NEXN: variants seen among roughly 807,000 people sequenced by gnomAD.
The protein encoded by NEXN is nexilin.
A neutral mutation model predicts 92.6 loss-of-function variants in NEXN; 65 were observed. The ratio of observed to expected loss-of-function variants is 0.70; its 90% CI spans 0.57 to 0.86. The LOEUF is 0.86. Ranked by LOEUF, NEXN falls within the 40% of genes least tolerant of loss-of-function variation. The pLI, the probability that NEXN is intolerant of heterozygous loss-of-function variation, is 0.00. For synonymous variants in NEXN, 254 were observed against 242.5 expected (o/e 1.05, Z -0.44); for missense variants, 778 against 771.1 (o/e 1.01, Z -0.11).
chr1:77,908,099 A>G (rs1229120242), intron 1 of NEXN, among the ~76,000 whole-genome samples: 2 of 151,950 alleles, frequency 1.3e-5, no homozygotes, highest in African/African-American at 2.4e-5. Context: ...TTTTTTAAAG[A>G]CAGTCTCATG....
chr1:77,900,413 T>C (rs187887186), intron 1 of NEXN, among the ~76,000 whole-genome samples: 1 of 152,296 alleles, frequency 6.6e-6, no homozygotes, highest in Admixed American at 6.5e-5. Context: ...CATATAATAA[T>C]TAGTACATCT....
chr1:77,942,279 G>A (rs1651409863), intron 12 of NEXN, 71 bp downstream of exon 12: 3 of 1,524,990 alleles, frequency 2.0e-6, no homozygotes, highest in East Asian at 2.3e-5. Flanking sequence ...AATTAGGTAG[G>A]TTAAAAAAAT....
chr1:77,922,023 C>T (rs1373306436), intron 5 of NEXN, among the ~76,000 whole-genome samples: 2 of 152,130 alleles, frequency 1.3e-5, no homozygotes, highest in Non-Finnish European at 2.9e-5. Flanking sequence ...CCACCTCGGC[C>T]TCCCAAAGTT....
At position 77,916,017 on chromosome 1, in the gene NEXN, T is replaced by A. The variant is rs144997319; in HGVS notation, c.-52-38T>A. 2.0e-4 allele frequency: 143 copies of A among 714,932 alleles called. No individual in the cohort carries two copies. In the African/African-American group the frequency reaches 2.5e-3, roughly 12 times the overall value. The allele number at this position is 714,932 out of a possible 1,614,324, so 44.3% of individuals were successfully genotyped here. ...ATAAAAATACATAATATATTACAAA[T>A]AAATTAAAATTTATTATACAATATA... is the stretch of plus-strand genomic sequence containing the variant. On this transcript the variant is annotated intron_variant, in intron 1 of 12. Coordinates refer to ENST00000334785, the MANE Select transcript of NEXN (RefSeq NM_144573.4).
rs1650718226 is a variant in NEXN at position 77,935,908 on chromosome 1, A to C, written c.1337A>C (p.Lys446Thr). 6.2e-7 allele frequency: 1 copy of C among 1,613,940 alleles called. No homozygotes were observed. The highest frequency in any genetic ancestry group is 1.7e-5 in the Admixed American group (1 of 60,002). The change falls in exon 11 of 13, where the codon AAA becomes ACA. Residue 446 changes from lysine to threonine, a missense_variant. Transcript: ENST00000334785. ...KLKRSGSIQAKNLKSKFEKIG... is the reference protein window; with the variant it reads ...KLKRSGSIQATNLKSKFEKIG... ...AAAAGGAGTGGCTCTATTCAAGCTA[A>C]AAACCTAAAAAGCAAGTTTGAAAAA...
chr1:77,893,261 T>TC (rs991683327), intron 1 of NEXN, among the ~76,000 whole-genome samples: 17 of 152,206 alleles, frequency 1.1e-4, no homozygotes, highest in African/African-American at 4.1e-4. Context: ...TTACTGTTTT[T>TC]CTTTTGCCTC....
intron 11 of NEXN, among the ~76,000 whole-genome samples, chr1:77,940,081 G>T (rs796115888): frequency 7.2e-5 from 11 of 152,216 alleles, no homozygotes; most frequent in African/African-American, 2.6e-4. Context: ...AATGTTCAAT[G>T]TGTCTTCAAA....
At chr1:77,904,451 A>G (rs533769259) in intron 1 of NEXN, among the ~76,000 whole-genome samples, 12 of 152,378 alleles carry the variant, frequency 7.9e-5, no homozygotes, top group Middle Eastern at 3.4e-3. Context: ...AAAATATAGT[A>G]TAGACAGTTT....
At chr1:77,939,725 G>A (rs920976657) in intron 11 of NEXN, among the ~76,000 whole-genome samples, 3 of 152,200 alleles carry the variant, frequency 2.0e-5, no homozygotes, top group Non-Finnish European at 2.9e-5. Context: ...GGAGGACAAT[G>A]AAGTCCCTCC....
chr1:77,938,869 A>C (rs1377751814), intron 11 of NEXN, among the ~76,000 whole-genome samples: 1 of 152,220 alleles, frequency 6.6e-6, no homozygotes, highest in Non-Finnish European at 1.5e-5. Context: ...TTCAAAGGAC[A>C]AGGCAAGGTT....
intron 12 of NEXN, 98 bp from the exon 13 acceptor site, chr1:77,942,363 C>G: frequency 7.0e-7 from 1 of 1,426,642 alleles, no homozygotes; most frequent in Non-Finnish European, 9.8e-7. Context: ...CTTGTATGTT[C>G]TTTACTTAAA....
intron 1 of NEXN, chr1:77,889,200 C>A (rs1317171905): frequency 6.6e-6 from 1 of 152,592 alleles, no homozygotes; most frequent in Non-Finnish European, 1.5e-5. Flanking sequence ...CCGTCCCCCA[C>A]CACTTGCCCC....
At chr1:77,899,528 G>C (rs1356253922) in intron 1 of NEXN, among the ~76,000 whole-genome samples, 1 of 152,084 alleles carries the variant, frequency 6.6e-6, no homozygotes, top group Non-Finnish European at 1.5e-5. Flanking sequence ...GGAGAGGGGA[G>C]GGATAGCATT....
In NEXN at chr1:77,942,641, A is replaced by G. The variant is rs1410398109; in HGVS notation, c.1840A>G (p.Thr614Ala). The G allele has an allele frequency of 1.2e-6, 2 of 1,613,668 alleles. No individual in the cohort carries two copies. The highest frequency in any genetic ancestry group is 3.3e-5 in the Admixed American group (2 of 59,976). The change falls in exon 13 of 13, where the codon ACA becomes GCA. Residue 614 changes from threonine to alanine, a missense_variant. Physicochemically the swap from Thr to Ala is moderately conservative, Grantham distance 58 (BLOSUM62 0). Around this residue, in one of 3 missense-constraint regions of NEXN, gnomAD observed 532 missense variants for 476.7 expected, o/e 1.12. Transcript: ENST00000334785. ...KVTGEPKPEITWWFEGEILQD... is the reference protein window; with the variant it reads ...KVTGEPKPEIAWWFEGEILQD... ...AACAGGAGAACCCAAACCAGAAATT[A>G]CATGGTGGTTTGAAGGAGAAATACT...
intron 8 of NEXN, among the ~76,000 whole-genome samples, chr1:77,928,872 G>A (rs769823225): frequency 6.6e-6 from 1 of 151,954 alleles, no homozygotes; most frequent in Non-Finnish European, 1.5e-5. Context: ...TCAGCTTCTC[G>A]AGTAGCTGGG....
At chr1:77,905,250 C>T (rs1648026630) in intron 1 of NEXN, among the ~76,000 whole-genome samples, 1 of 83,238 alleles carries the variant, frequency 1.2e-5, no homozygotes, top group Admixed American at 1.2e-4. Flanking sequence ...TGGAGTGAGA[C>T]TCCGTCTCAA....
In NEXN at chr1:77,899,663, T is replaced by TA. The variant is rs886563275; in HGVS notation, c.-53+10911dup. Reference sequence around the variant, plus strand: ...AACTTAAAATATAATAATAATAAAATAAAAAAATAAAAAATAAAAAAACAA... The same window carrying TA: ...AACTTAAAATATAATAATAATAAAATAAAAAAAATAAAAAATAAAAAAACAA... On this transcript the variant is annotated intron_variant, in intron 1 of 12. Transcript: ENST00000334785. 1.4e-3 allele frequency among the ~76,000 whole-genome samples: 212 copies of TA among 150,892 alleles called. 1 individual carries two copies. Among genetic ancestry groups the TA allele is most frequent in the African/African-American group, 4.9e-3 (202 of 41,226 alleles).
In NEXN at chr1:77,942,749, G is replaced by A; in HGVS notation, c.1948G>A (p.Gly650Arg). 6.2e-7 allele frequency: 1 copy of A among 1,613,742 alleles called. No individual in the cohort carries two copies. Among genetic ancestry groups the A allele is most frequent in the South Asian group, 1.1e-5 (1 of 91,042 alleles). ...YLPETFPEDG[G>R]EYMCKAVNNK... ...ACCAGAAACTTTCCCAGAAGATGGA[G>A]GAGAGTATATGTGTAAAGCAGTCAA... The change falls in exon 13 of 13, where the codon GGA becomes AGA. Residue 650 changes from glycine (G) to arginine (R), a missense_variant. Coordinates refer to ENST00000334785, the MANE Select transcript of NEXN (RefSeq NM_144573.4).
intron 9 of NEXN, 59 bp from the exon 10 acceptor site, chr1:77,933,223 T>C (rs1650450925): frequency 9.4e-7 from 1 of 1,068,170 alleles, no homozygotes; most frequent in Admixed American, 2.4e-5. Flanking sequence ...CTTCAAGAAA[T>C]AGTCCCTTTT....
Sources: gnomAD v4.1 joint callset for allele counts (sites outside exome capture counted in the v4.1 genomes callset) on GRCh38, gnomAD v4.1.1 for gene constraint, gnomAD v4.1.1 regional missense constraint, MANE v1.5 for transcripts, NCBI Gene and HGNC (gene_info 2026-07-23, HGNC 2026-07-21) for gene names.